The following RBM5 variants were observed in gnomAD, a reference collection of about 807,000 sequenced individuals.
RBM5 encodes RNA-binding protein 5.
In RBM5, 15 loss-of-function variants were observed where a neutral mutation model predicts 124.6. The ratio of observed to expected loss-of-function variants is 0.12; its 90% CI spans 0.08 to 0.19. The LOEUF is 0.19. RBM5 is among the 10% of genes least tolerant of loss of function. The probability of loss-of-function intolerance (pLI) is 1.00; values close to 1 mark genes in which losing one functional copy is unlikely to be tolerated. For synonymous variants in RBM5, 337 were observed against 361.2 expected (o/e 0.93, Z 0.76); for missense variants, 580 against 1,026.5 (o/e 0.57, Z 5.94).
chr3:50,094,124 G>T, intron 4 of RBM5: 4 of 307,660 alleles, frequency 1.3e-5, no homozygotes, highest in Non-Finnish European at 1.8e-5. Flanking sequence ...TCTTATACAT[G>T]CCAAAGGTAA....
At chr3:50,090,598 C>T (rs1199283828) in intron 2 of RBM5, 147 bp downstream of exon 2, 3 of 896,848 alleles carry the variant, frequency 3.3e-6, no homozygotes. Context: ...TCACAAACTA[C>T]AGTCTAGTGA....
In RBM5 at chr3:50,103,142, G is replaced by A; in HGVS notation, c.543G>A (p.Lys181=). 6.2e-7 allele frequency: 1 copy of A among 1,612,314 alleles called. No individual in the cohort carries two copies. The highest frequency in any genetic ancestry group is 8.5e-7 in the Non-Finnish European group (1 of 1,178,382). The part of the protein sequence containing the change: ...IAMHYSNPRP[K]FEDWLCNKCC... Reference sequence around the variant, plus strand: ...TGCATTATAGCAATCCCAGACCTAAGTTTGAAGATTGGCTTTGTAACAAGG... The same window carrying A: ...TGCATTATAGCAATCCCAGACCTAAATTTGAAGATTGGCTTTGTAACAAGG... Residue 181 remains lysine, a synonymous_variant, in exon 7 of 25, where the codon AAG becomes AAA. Transcript: ENST00000347869.
Position 50,104,299 on chromosome 3 carries a change from G to C in RBM5, c.619G>C (p.Asp207His), listed in dbSNP as rs776290389. Residue 207 changes from aspartate (D) to histidine (H), a missense_variant, in exon 8 of 25, where the codon GAC becomes CAC. This residue lies in a region of RBM5 where 101 missense variants were observed against 223.2 expected (regional missense o/e 0.45). Coordinates refer to ENST00000347869, the MANE Select transcript of RBM5 (RefSeq NM_005778.4). ...KRLKCFRCGA[D>H]KFDSEQEVPP... ...ACTAAAATGCTTCCGATGTGGAGCA[G>C]ACAAGTTTGGTAAGACTGGATTCAG... The C allele has an allele frequency of 6.2e-7, 1 of 1,614,006 alleles. No individual in the cohort carries two copies. The highest frequency in any genetic ancestry group is 1.1e-5 in the South Asian group (1 of 91,066).
rs560682902 is a variant in RBM5, at chr3:50,114,197, G to T, written c.1785G>T (p.Arg595Ser). The change falls in exon 20 of 25, where the codon AGG becomes AGT. Residue 595 changes from arginine (R) to serine (S), a missense_variant. Transcript: ENST00000347869. ...LFEKKGALAE[R>S]QQLIPELVRN... Reference sequence around the variant, plus strand: ...TTTCCCAGGGAGCCTTAGCTGAAAGGCAGCAGCTCATCCCAGAATTGGTGC... The same window carrying T: ...TTTCCCAGGGAGCCTTAGCTGAAAGTCAGCAGCTCATCCCAGAATTGGTGC... 4.7e-5 allele frequency: 76 copies of T among 1,613,444 alleles called. No homozygotes were observed. The highest frequency in any genetic ancestry group is 6.3e-5 in the Non-Finnish European group (74 of 1,179,864).
chr3:50,095,052 G>A (rs927556228), intron 4 of RBM5, among the ~76,000 whole-genome samples: 1 of 152,092 alleles, frequency 6.6e-6, no homozygotes, highest in Non-Finnish European at 1.5e-5. Context: ...ACAAGAATTA[G>A]CTAGGTGTGG....
At chr3:50,099,855 G>A (rs1481081159) in intron 4 of RBM5, 127 bp from the exon 5 acceptor site, 2 of 732,014 alleles carry the variant, frequency 2.7e-6, no homozygotes, top group Non-Finnish European at 4.3e-6. Flanking sequence ...AAGTGAGTGA[G>A]AGACAGAGAC....
At chr3:50,098,022 A>C (rs959333182) in intron 4 of RBM5, among the ~76,000 whole-genome samples, 1 of 151,922 alleles carries the variant, frequency 6.6e-6, no homozygotes, top group African/African-American at 2.4e-5. Context: ...GCTTGAACCC[A>C]GGAGGCGGAG....
In RBM5 at chr3:50,100,186, G is replaced by C; in HGVS notation, c.409+135G>C. The C allele has an allele frequency of 1.2e-6, 1 of 834,918 alleles. No individual in the cohort carries two copies. The highest frequency in any genetic ancestry group is 1.8e-6 in the Non-Finnish European group (1 of 543,162). The allele number at this position is 834,918 out of a possible 1,614,324, so 51.7% of individuals were successfully genotyped here. ...AAGGTTTGCCATGGCTAAGGAATGT[G>C]ACTCTTTGAAAACCATGTTAGCATC... is the stretch of plus-strand genomic sequence containing the variant. On this transcript the variant is annotated intron_variant, in intron 5 of 24. Coordinates refer to ENST00000347869, the MANE Select transcript of RBM5 (RefSeq NM_005778.4). The surrounding 1 kb of genome is among the most constrained non-coding windows in gnomAD (Gnocchi z 5.1).
intron 18 of RBM5, 34 bp downstream of exon 18, chr3:50,113,578 T>C: frequency 6.3e-7 from 1 of 1,580,868 alleles, no homozygotes; most frequent in Non-Finnish European, 8.6e-7. Context: ...TTCATTGAGG[T>C]ATTGGGCTGA....
At chr3:50,090,087 A>T in intron 1 of RBM5, 5 of 214,466 alleles carry the variant, frequency 2.3e-5, no homozygotes, top group Non-Finnish European at 2.9e-5. Flanking sequence ...TTGCTTTGTA[A>T]TTCTAAGGTA....
Position 50,105,545 on chromosome 3 carries a change from CT to C in RBM5, c.695-3del, listed in dbSNP as rs1435030899. 6.2e-7 allele frequency: 1 copy of C among 1,612,832 alleles called. No individual in the cohort carries two copies. Among genetic ancestry groups the C allele is most frequent in the Admixed American group, 1.7e-5 (1 of 59,830 alleles). ...TGTATGTCATTTGTCTCATTTACCC[CT>C]AGCGATCATTCTTCGGAACATAGCT... On this transcript the variant is annotated splice_region_variant and splice_polypyrimidine_tract_variant and intron_variant, in intron 9 of 24. Coordinates refer to ENST00000347869, the MANE Select transcript of RBM5 (RefSeq NM_005778.4).
In RBM5 at chr3:50,103,064, ATTAC is replaced by A. The variant is rs750030805; in HGVS notation, c.484-16_484-13del. On this transcript the variant is annotated splice_polypyrimidine_tract_variant and intron_variant, in intron 6 of 24. Coordinates refer to ENST00000347869, the MANE Select transcript of RBM5 (RefSeq NM_005778.4). ...ATGTTCCTCACAATGGGAATAACTA[ATTAC>A]TTCTTTTCTTACAGAAAAAGTTGGT... 3.8e-6 allele frequency: 6 copies of A among 1,561,388 alleles called. No homozygotes were observed. In the South Asian group the frequency reaches 5.6e-5, roughly 14 times the overall value.
Position 50,100,680 on chromosome 3 carries a change from A to T in RBM5, c.483+75A>T. 7.8e-7 allele frequency: 1 copy of T among 1,280,402 alleles called. No individual in the cohort carries two copies. The highest frequency in any genetic ancestry group is 1.1e-6 in the Non-Finnish European group (1 of 900,274). The allele number at this position is 1,280,402 out of a possible 1,614,324, so 79.3% of individuals were successfully genotyped here. A position where few individuals can be genotyped will look rare whatever the true frequency, so the allele number is the denominator to read the frequency against. ...TACAATTTTAAAAAAAGGTTGAAGG[A>T]GTGGTTTGTTCCAAAGGAGTGACTT... is the stretch of plus-strand genomic sequence containing the variant. On this transcript the variant is annotated intron_variant, in intron 6 of 24. Transcript: ENST00000347869. The surrounding 1 kb of genome is among the most constrained non-coding windows in gnomAD (Gnocchi z 5.1).
At chr3:50,104,338 G>T in intron 8 of RBM5, 30 bp downstream of exon 8, 1 of 1,604,788 alleles carries the variant, frequency 6.2e-7, no homozygotes, top group Non-Finnish European at 8.5e-7. Flanking sequence ...TTTGCAATAT[G>T]CATTAAAACC....
At chr3:50,094,558 A>G (rs2090771791) in intron 4 of RBM5, among the ~76,000 whole-genome samples, 2 of 152,164 alleles carry the variant, frequency 1.3e-5, no homozygotes, top group South Asian at 2.1e-4. Context: ...TAGCAATGCA[A>G]TCATAGCTCA....
chr3:50,104,725 C>G (rs940295664), intron 8 of RBM5: 5 of 283,770 alleles, frequency 1.8e-5, no homozygotes, highest in African/African-American at 1.1e-4. Context: ...TGTACTTAAA[C>G]AACTTGTCTG....
chr3:50,103,241 T>G, intron 7 of RBM5, 75 bp downstream of exon 7: 1 of 1,212,424 alleles, frequency 8.2e-7, no homozygotes, highest in Middle Eastern at 2.0e-4. Context: ...TTTATTTGAC[T>G]GTCCAAACAA....
intron 7 of RBM5, 138 bp downstream of exon 7, chr3:50,103,304 G>T (rs1401608920): frequency 1.4e-6 from 1 of 714,850 alleles, no homozygotes; most frequent in Non-Finnish European, 2.4e-6. Flanking sequence ...CTTTCCTTGG[G>T]TCCTCCTACA....
At position 50,105,126 on chromosome 3, in the gene RBM5, G is replaced by A. The variant is rs1355337085; in HGVS notation, c.678G>A (p.Val226=). The change falls in exon 9 of 25, where the codon GTG becomes GTA. Residue 226 remains valine, a synonymous_variant. Coordinates refer to ENST00000347869, the MANE Select transcript of RBM5 (RefSeq NM_005778.4). Reference sequence around the variant, plus strand: ...GAACCACAGAGTCGGTTCAGTCTGTGGATTACTACTGTGATAGTAAGTTCA... The same window carrying A: ...GAACCACAGAGTCGGTTCAGTCTGTAGATTACTACTGTGATAGTAAGTTCA... ...PPGTTESVQS[V]DYYCDTIILR... 5 of 1,594,294 alleles carry A rather than the reference G, an allele frequency of 3.1e-6. No individual in the cohort carries two copies. The African/African-American group carries it at 4.0e-5, about 13-fold the overall frequency.
Sources: gnomAD v4.1 joint callset for allele counts (sites outside exome capture counted in the v4.1 genomes callset) on GRCh38, gnomAD v4.1.1 for gene constraint, gnomAD v4.1.1 regional missense constraint, Gnocchi (gnomAD v3.1) non-coding constraint, MANE v1.5 for transcripts, NCBI Gene and HGNC (gene_info 2026-07-23, HGNC 2026-07-21) for gene names.